RAB8B: variants seen among roughly 807,000 people sequenced by gnomAD.
The protein encoded by RAB8B is RAB8B, member RAS oncogene family, also known as ras-related protein Rab-8B.
A neutral mutation model predicts 32.0 loss-of-function variants in RAB8B; 11 were observed. The ratio of observed to expected loss-of-function variants is 0.34; its 90% CI spans 0.22 to 0.57. The LOEUF (loss-of-function observed/expected upper bound fraction) is 0.57. Ranked by LOEUF, RAB8B falls within the 20% of genes least tolerant of loss-of-function variation. RAB8B has a pLI of 0.86. For synonymous variants in RAB8B, 103 were observed against 89.6 expected, an observed-to-expected ratio of 1.15 and a Z score of -0.85; for missense variants, 190 against 258.5, an observed-to-expected ratio of 0.73 and a Z score of 1.82.
rs185896153 is a variant in RAB8B at position 63,208,188 on chromosome 15, C to G, written c.124+18440C>G. The stretch of plus-strand genomic sequence containing the variant: ...CCCTACAGTGTGGCTTCAGCTATAT[C>G]TCTCTCTGTTTTTTACAGGAATCCT... On this transcript the variant is annotated intron_variant, in intron 1 of 7. Transcript: ENST00000321437. 2.4e-4 allele frequency among the ~76,000 whole-genome samples: 36 copies of G among 152,274 alleles called. 1 individual carries two copies. Among genetic ancestry groups the G allele is most frequent in the Admixed American group, 1.7e-3 (26 of 15,290 alleles).
At chr15:63,236,203 C>G (rs557261520) in intron 1 of RAB8B, among the ~76,000 whole-genome samples, 3 of 152,206 alleles carry the variant, frequency 2.0e-5, no homozygotes, top group Admixed American at 2.0e-4. Context: ...TATAAGCAAC[C>G]ATTTAGCATA....
At chr15:63,199,321 A>G (rs1484744283) in intron 1 of RAB8B, among the ~76,000 whole-genome samples, 1 of 152,240 alleles carries the variant, frequency 6.6e-6, no homozygotes, top group Non-Finnish European at 1.5e-5. Context: ...GAGAATTAAT[A>G]GTGACCTTTG....
intron 1 of RAB8B, among the ~76,000 whole-genome samples, chr15:63,219,225 G>T (rs973561281): frequency 1.3e-5 from 2 of 150,608 alleles, no homozygotes; most frequent in African/African-American, 4.9e-5. Flanking sequence ...TTGAACTTGG[G>T]AGGCAGAGAT....
chr15:63,233,049 A>T (rs926524119), intron 1 of RAB8B, among the ~76,000 whole-genome samples: 60 of 90,950 alleles, frequency 6.6e-4, no homozygotes, highest in Non-Finnish European at 1.3e-3. Context: ...CAATCTAAGT[A>T]GCATTCTTTT....
chr15:63,222,373 A>T (rs1345800059), intron 1 of RAB8B, among the ~76,000 whole-genome samples: 1 of 152,184 alleles, frequency 6.6e-6, no homozygotes, highest in East Asian at 1.9e-4. Flanking sequence ...ACCTTTTACC[A>T]TCCCCAATAT....
In RAB8B at chr15:63,255,521, C is replaced by G. The variant is rs754813030; in HGVS notation, c.261C>G (p.Val87=). 1 of 1,602,070 alleles carries G rather than the reference C, an allele frequency of 6.2e-7. No homozygotes were observed. Among genetic ancestry groups the G allele is most frequent in the Non-Finnish European group, 8.6e-7 (1 of 1,169,168 alleles). The change falls in exon 4 of 8, where the codon GTC becomes GTG. Residue 87 remains valine (V), a synonymous_variant. Coordinates refer to ENST00000321437, the MANE Select transcript of RAB8B (RefSeq NM_016530.3). ...CCCCCTTATAGGGCATTATGCTGGT[C>G]TATGACATCACAAATGAAAAATCCT... is the stretch of plus-strand genomic sequence containing the variant. ...YYRGAMGIML[V]YDITNEKSFD...
chr15:63,194,036 A>G (rs2141104816), intron 1 of RAB8B, among the ~76,000 whole-genome samples: 1 of 152,274 alleles, frequency 6.6e-6, no homozygotes, highest in East Asian at 1.9e-4. Flanking sequence ...TGTCCTCTTG[A>G]CAGGACAATC....
chr15:63,228,095 C>A (rs1211555835), intron 1 of RAB8B, among the ~76,000 whole-genome samples: 1 of 152,186 alleles, frequency 6.6e-6, no homozygotes, highest in Non-Finnish European at 1.5e-5. Flanking sequence ...TGGCTCACTG[C>A]AGCTTCGACC....
chr15:63,246,537 G>A (rs1254080449), intron 2 of RAB8B, among the ~76,000 whole-genome samples: 1 of 152,210 alleles, frequency 6.6e-6, no homozygotes, highest in African/African-American at 2.4e-5. Flanking sequence ...CACAGGGCAA[G>A]CCATGTGGGA....
intron 2 of RAB8B, among the ~76,000 whole-genome samples, chr15:63,247,535 C>A (rs2038081325): frequency 6.6e-6 from 1 of 152,124 alleles, no homozygotes; most frequent in Non-Finnish European, 1.5e-5. Context: ...GGTTTAATTT[C>A]TTTCAGTTCA....
At chr15:63,233,640 TAAG>T (rs777471317) in intron 1 of RAB8B, among the ~76,000 whole-genome samples, 4 of 152,186 alleles carry the variant, frequency 2.6e-5, no homozygotes, top group Admixed American at 6.5e-5. Context: ...ATCAAAATCT[TAAG>T]GAGGTGAATG....
Position 63,259,281 on chromosome 15 carries a change from G to A in RAB8B, c.415-346G>A, listed in dbSNP as rs1320318380. ...ACTACAGGCGGGTGCCACCACGCCC[G>A]GCTAATTTTTTGTATTTTTAGTAGA... On this transcript the variant is annotated intron_variant, in intron 5 of 7. Transcript: ENST00000321437. The surrounding 1 kb of genome is among the most constrained non-coding windows in gnomAD (Gnocchi z 4.4). Among the ~76,000 whole-genome samples, 5 of 151,592 alleles carry A rather than the reference G, an allele frequency of 3.3e-5. No individual in the cohort carries two copies. The highest frequency in any genetic ancestry group is 5.9e-5 in the Non-Finnish European group (4 of 67,818).
intron 1 of RAB8B, among the ~76,000 whole-genome samples, chr15:63,217,639 G>A (rs1194583869): frequency 8.5e-5 from 13 of 152,166 alleles, no homozygotes; most frequent in Admixed American, 8.5e-4. Flanking sequence ...TGCTCATTGT[G>A]CAAATGAGTG....
chr15:63,254,178 C>A (rs2152582441), intron 3 of RAB8B, among the ~76,000 whole-genome samples: 1 of 152,258 alleles, frequency 6.6e-6, no homozygotes, highest in South Asian at 2.1e-4. Flanking sequence ...CCTGGGCTTC[C>A]CCTCTTCACC....
rs11312318 is a variant in RAB8B at position 63,240,806 on chromosome 15, C to CAAAAAAAAAAAAAAAAAAAAA, written c.125-3932_125-3931insAAAAAAAAAAAAAAAAAAAAA. Among the ~76,000 whole-genome samples, 2 of 113,804 alleles carry CAAAAAAAAAAAAAAAAAAAAA rather than the reference C, an allele frequency of 1.8e-5. 1 individual carries two copies. Among genetic ancestry groups the CAAAAAAAAAAAAAAAAAAAAA allele is most frequent in the African/African-American group, 7.0e-5 (2 of 28,588 alleles). 74.7% of individuals were successfully genotyped at this position (113,804 alleles called of 152,430 possible). A position where few individuals can be genotyped will look rare whatever the true frequency, so the allele number is the denominator to read the frequency against. ...CATAACTGAAAGGTAATGTTCCTAA[C>CAAAAAAAAAAAAAAAAAAAAA]AAAAAAAAAAAAAAAAAAGCCTCTG... On this transcript the variant is annotated intron_variant, in intron 1 of 7. Coordinates refer to ENST00000321437, the MANE Select transcript of RAB8B (RefSeq NM_016530.3).
At chr15:63,244,597 C>T (rs146566336) in intron 1 of RAB8B, among the ~76,000 whole-genome samples, 159 bp from the exon 2 acceptor site, 1 of 152,290 alleles carries the variant, frequency 6.6e-6, no homozygotes, top group East Asian at 1.9e-4. Flanking sequence ...TTCCTTTCTC[C>T]AGCCTGTATT....
chr15:63,248,539 C>T lies in RAB8B; in HGVS notation c.186-1106C>T, dbSNP rs902692479. Among the ~76,000 whole-genome samples, 3 of 151,962 alleles carry T rather than the reference C, an allele frequency of 2.0e-5. No homozygotes were observed. The highest frequency in any genetic ancestry group is 1.3e-4 in the Admixed American group (2 of 15,234). On this transcript the variant is annotated intron_variant, in intron 2 of 7. Transcript: ENST00000321437. The surrounding 1 kb of genome is among the most constrained non-coding windows in gnomAD (Gnocchi z 4.4). Reference sequence around the variant, plus strand: ...AAACAAACAAACAAATAAATAAATACATAAAGAATATGAGCTGTTTAGTGG... The same window carrying T: ...AAACAAACAAACAAATAAATAAATATATAAAGAATATGAGCTGTTTAGTGG...
At position 63,264,135 on chromosome 15, in the gene RAB8B, CATT is replaced by C; in HGVS notation, c.*518_*520del. ...TAAGGGCTTTTTCTTAAATAAGAAT[CATT>C]AAAGTCATTAAAAAAATTTACTGAA... On this transcript the variant is annotated 3_prime_UTR_variant, in exon 8 of 8. Coordinates refer to ENST00000321437, the MANE Select transcript of RAB8B (RefSeq NM_016530.3). The C allele has an allele frequency of 6.6e-6, 1 of 152,168 alleles. No individual in the cohort carries two copies. Among genetic ancestry groups the C allele is most frequent in the Non-Finnish European group, 1.5e-5 (1 of 68,040 alleles). The allele number at this position is 152,168 out of a possible 1,614,324, so 9.4% of individuals were successfully genotyped here.
chr15:63,254,538 C>T (rs887237975), intron 3 of RAB8B, among the ~76,000 whole-genome samples: 1 of 151,946 alleles, frequency 6.6e-6, no homozygotes. Flanking sequence ...GCACTTAGTA[C>T]AGAAGTGTGG....
Sources: allele counts gnomAD v4.1 joint callset (sites outside exome capture counted in the v4.1 genomes callset), GRCh38; gene constraint gnomAD v4.1.1; non-coding constraint Gnocchi (gnomAD v3.1); transcripts MANE v1.5; gene names NCBI Gene and HGNC (gene_info 2026-07-23, HGNC 2026-07-21).